The following NR4A3 variants were observed in gnomAD, a reference collection of about 807,000 sequenced individuals.
NR4A3 encodes nuclear receptor subfamily 4 group A member 3.
NR4A3 carries 13 observed loss-of-function variants against 55.6 expected under a neutral mutation model. The ratio of observed to expected loss-of-function variants is 0.23; its 90% CI spans 0.15 to 0.37. The LOEUF is 0.37. Among genes scored for constraint, NR4A3 ranks in the 10% least tolerant of loss-of-function variants. The pLI is 1.00. For synonymous variants in NR4A3, 342 were observed against 357.9 expected, an observed-to-expected ratio of 0.96 and a Z score of 0.50; for missense variants, 646 against 822.8, an observed-to-expected ratio of 0.79 and a Z score of 2.63.
intron 5 of NR4A3, 73 bp downstream of exon 5, chr9:99,833,527 G>A: frequency 6.2e-7 from 1 of 1,613,396 alleles, no homozygotes. Flanking sequence ...AATAAGAGTT[G>A]ATTGAATGAT....
intron 5 of NR4A3, among the ~76,000 whole-genome samples, chr9:99,836,754 G>C (rs1827566115): frequency 2.0e-5 from 3 of 152,244 alleles, no homozygotes; most frequent in African/African-American, 7.2e-5. Flanking sequence ...AATTAAGGTA[G>C]TTTTAGTTTT....
intron 5 of NR4A3, chr9:99,833,897 G>A (rs1220250467): frequency 8.2e-7 from 1 of 1,224,204 alleles, no homozygotes; most frequent in Non-Finnish European, 1.0e-6. Context: ...TATTCAGAGG[G>A]ATTAGACCAT....
At chr9:99,850,893 C>G (rs1316947810) in intron 7 of NR4A3, among the ~76,000 whole-genome samples, 1 of 152,210 alleles carries the variant, frequency 6.6e-6, no homozygotes, top group African/African-American at 2.4e-5. Flanking sequence ...ATGCCTTCCC[C>G]TACCCCTTGG....
chr9:99,865,722 C>T lies in NR4A3; in HGVS notation c.*1855C>T. The T allele has an allele frequency of 4.9e-6, 1 of 205,610 alleles. No homozygotes were observed. Among genetic ancestry groups the T allele is most frequent in the Non-Finnish European group, 1.0e-5 (1 of 100,408 alleles). The allele number at this position is 205,610 out of a possible 1,614,324, so 12.7% of individuals were successfully genotyped here. The stretch of plus-strand genomic sequence containing the variant: ...ATCAAACAAATGCCAAATGAATTGC[C>T]TAATTGCTGCAAAGTATAACCCAGA... On this transcript the variant is annotated 3_prime_UTR_variant, in exon 8 of 8. Transcript: ENST00000395097. The surrounding 1 kb of genome is among the most constrained non-coding windows in gnomAD (Gnocchi z 4.3).
chr9:99,827,254 A>ATGTGTGTG (rs1307619328), intron 2 of NR4A3, among the ~76,000 whole-genome samples: 1 of 139,918 alleles, frequency 7.1e-6, no homozygotes, highest in African/African-American at 2.7e-5. Context: ...ATTGGGATAT[A>ATGTGTGTG]TATATGTGTG....
intron 7 of NR4A3, among the ~76,000 whole-genome samples, chr9:99,852,986 T>C (rs1366719596): frequency 6.6e-6 from 1 of 152,090 alleles, no homozygotes; most frequent in Non-Finnish European, 1.5e-5. Context: ...AAAACAAAAA[T>C]GGTGGGAGAG....
At position 99,862,108 on chromosome 9, in the gene NR4A3, T is replaced by A. The variant is rs1213990589; in HGVS notation, c.1634-1512T>A. 2.6e-5 allele frequency among the ~76,000 whole-genome samples: 4 copies of A among 151,032 alleles called. No homozygotes were observed. The East Asian group carries it at 7.8e-4, about 30-fold the overall frequency. ...GACCATGACTCAAAAAAAAAAAAAA[T>A]TAATTTTGTAAAAATTAGAAACTAT... is the stretch of plus-strand genomic sequence containing the variant. On this transcript the variant is annotated intron_variant, in intron 7 of 7. Transcript: ENST00000395097.
chr9:99,863,414 A>G (rs990599627), intron 7 of NR4A3, among the ~76,000 whole-genome samples: 3 of 152,188 alleles, frequency 2.0e-5, no homozygotes, highest in African/African-American at 7.2e-5. Context: ...TCTAGGGCAC[A>G]CAGCAAGTAA....
intron 4 of NR4A3, 90 bp from the exon 5 acceptor site, chr9:99,833,192 A>G (rs1827481155): frequency 6.1e-6 from 9 of 1,473,922 alleles, no homozygotes; most frequent in Non-Finnish European, 8.2e-6. Context: ...TGATTGCTCA[A>G]CTGTAATGTG....
intron 3 of NR4A3, among the ~76,000 whole-genome samples, chr9:99,830,775 T>C (rs1166035050): frequency 6.6e-6 from 1 of 152,182 alleles, no homozygotes; most frequent in Non-Finnish European, 1.5e-5. Flanking sequence ...ACAGTGAAAC[T>C]GGCAGCAGAA....
At position 99,822,902 on chromosome 9, in the gene NR4A3, GAAGGA is replaced by G. The variant is rs1453859707; in HGVS notation, c.-177+497_-177+501del. ...ATGGTGGCACCGAGCTGGTTCTCTG[GAAGGA>G]AGCTTAGGAGGGAAGGGCCTAGGCA... On this transcript the variant is annotated intron_variant, in intron 1 of 7. Transcript: ENST00000395097. The surrounding 1 kb of genome is among the most constrained non-coding windows in gnomAD (Gnocchi z 4.9). 6.6e-6 allele frequency among the ~76,000 whole-genome samples: 1 copy of G among 152,184 alleles called. No homozygotes were observed. Among genetic ancestry groups the G allele is most frequent in the African/African-American group, 2.4e-5 (1 of 41,436 alleles).
At chr9:99,851,037 A>C (rs909751540) in intron 7 of NR4A3, among the ~76,000 whole-genome samples, 2 of 152,258 alleles carry the variant, frequency 1.3e-5, no homozygotes, top group African/African-American at 4.8e-5. Context: ...AGCTGCACTT[A>C]ACAAGCACTT....
In NR4A3 at chr9:99,828,641, C is replaced by T; in HGVS notation, c.599C>T (p.Pro200Leu). Residue 200 changes from proline (P) to leucine (L), a missense_variant, in exon 3 of 8, where the codon CCC becomes CTC. Pro to Leu is a moderately conservative substitution (Grantham distance 98). Around this residue, in one of 5 missense-constraint regions of NR4A3, gnomAD observed 426 missense variants for 429.4 expected, o/e 0.99. Coordinates refer to ENST00000395097, the MANE Select transcript of NR4A3 (RefSeq NM_006981.4). The surrounding 1 kb of genome is among the most constrained non-coding windows in gnomAD (Gnocchi z 7.7). ...LFHFKPSPPH[P>L]PAPSPAGGHH... ...CACTTCAAGCCCTCGCCGCCGCATC[C>T]CCCCGCGCCCAGCCCGGCCGGCGGC... 1 of 1,451,394 alleles carries T rather than the reference C, an allele frequency of 6.9e-7. No homozygotes were observed. Among genetic ancestry groups the T allele is most frequent in the Non-Finnish European group, 9.0e-7 (1 of 1,110,674 alleles). 89.9% of individuals were successfully genotyped at this position (1,451,394 alleles called of 1,614,324 possible).
At position 99,864,029 on chromosome 9, in the gene NR4A3, CAACCTA is replaced by C; in HGVS notation, c.*165_*170del. ...CTTTTTTTTCTGGCTCTTTTCCTTA[CAACCTA>C]AAGCCAGAAAACTTGCAGAGTATTG... On this transcript the variant is annotated 3_prime_UTR_variant, in exon 8 of 8. Transcript: ENST00000395097. 1 of 766,474 alleles carries C rather than the reference CAACCTA, an allele frequency of 1.3e-6. No homozygotes were observed. Among genetic ancestry groups the C allele is most frequent in the East Asian group, 2.9e-5 (1 of 34,344 alleles). 47.5% of individuals were successfully genotyped at this position (766,474 alleles called of 1,614,324 possible).
At chr9:99,824,704 C>A (rs1365216910) in intron 1 of NR4A3, among the ~76,000 whole-genome samples, 5 of 152,252 alleles carry the variant, frequency 3.3e-5, no homozygotes, top group African/African-American at 1.2e-4. Flanking sequence ...CCTGTTCCCA[C>A]TCTTCGAGCT....
rs758980279 is a variant in NR4A3, at chr9:99,828,241, A to T, written c.199A>T (p.Ser67Cys). 1 of 1,613,754 alleles carries T rather than the reference A, an allele frequency of 6.2e-7. No homozygotes were observed. Among genetic ancestry groups the T allele is most frequent in the Non-Finnish European group, 8.5e-7 (1 of 1,179,944 alleles). Residue 67 changes from serine (S) to cysteine (C), a missense_variant, in exon 3 of 8, where the codon AGC becomes TGC. By Grantham distance (112) the Ser-to-Cys change is moderately radical. Around this residue, in one of 5 missense-constraint regions of NR4A3, gnomAD observed 426 missense variants for 429.4 expected, o/e 0.99. Transcript: ENST00000395097. This position sits in a 1 kb window ranked among gnomAD's most constrained non-coding sequence, Gnocchi z 7.7. ...SISTFVEGYS[S>C]NYELKPSCVY... ...CAGTACCTTCGTGGAGGGCTACTCGAGCAACTACGAACTCAAGCCTTCCTG... is the reference window on the plus strand; with the variant it reads ...CAGTACCTTCGTGGAGGGCTACTCGTGCAACTACGAACTCAAGCCTTCCTG...
chr9:99,824,716 C>A (rs914954504), intron 1 of NR4A3, among the ~76,000 whole-genome samples: 1 of 152,260 alleles, frequency 6.6e-6, no homozygotes, highest in South Asian at 2.1e-4. Flanking sequence ...CTTCGAGCTG[C>A]GCCCACCCCG....
rs868281996 is a variant in NR4A3, at chr9:99,834,590, G to T, written c.1254+1136G>T. On this transcript the variant is annotated intron_variant, in intron 5 of 7. Transcript: ENST00000395097. ...CCCAGTCGGTTGATCTGTCTTGGTG[G>T]CTACTACCAAACTGCCCTCCCCAGG... Among the ~76,000 whole-genome samples the T allele has an allele frequency of 5.9e-5, 9 of 152,138 alleles. 1 individual carries two copies. The East Asian group carries it at 1.7e-3, about 29-fold the overall frequency.
chr9:99,856,060 C>A (rs1827922985), intron 7 of NR4A3, among the ~76,000 whole-genome samples: 5 of 152,076 alleles, frequency 3.3e-5, no homozygotes, highest in Admixed American at 3.3e-4. Flanking sequence ...AGACTGGTTT[C>A]ATGGAAGACA....
Sources: gnomAD v4.1 joint callset for allele counts (sites outside exome capture counted in the v4.1 genomes callset) on GRCh38, gnomAD v4.1.1 for gene constraint, gnomAD v4.1.1 regional missense constraint, Gnocchi (gnomAD v3.1) non-coding constraint, MANE v1.5 for transcripts, NCBI Gene and HGNC (gene_info 2026-07-23, HGNC 2026-07-21) for gene names.